Variants in EVL observed in about 807,000 individuals in gnomAD.
EVL encodes the protein Enah/Vasp-like.
A neutral mutation model predicts 59.6 loss-of-function variants in EVL; 21 were observed. That is an observed-to-expected ratio of 0.35 (90% confidence interval 0.25 to 0.51). EVL has a LOEUF of 0.51. Ranked by LOEUF, EVL falls within the 20% of genes least tolerant of loss-of-function variation. The pLI, the probability that EVL is intolerant of heterozygous loss-of-function variation, is 0.97. For synonymous variants in EVL, 198 were observed against 203.5 expected (o/e 0.97, Z 0.23); for missense variants, 462 against 546.6 (o/e 0.85, Z 1.54).
chr14:100,093,294 A>G (rs926201455), intron 2 of EVL, among the ~76,000 whole-genome samples: 4 of 152,240 alleles, frequency 2.6e-5, no homozygotes, highest in African/African-American at 9.6e-5. Flanking sequence ...GTAGAAATAC[A>G]TCTTCACAGG....
intron 1 of EVL, among the ~76,000 whole-genome samples, chr14:100,047,074 A>G (rs1452683063): frequency 1.4e-5 from 2 of 139,834 alleles, no homozygotes; most frequent in Non-Finnish European, 3.0e-5. Context: ...TTCTAAACTC[A>G]GTTTTGCAGC....
intron 13 of EVL, 90 bp from the exon 14 acceptor site, chr14:100,143,611 G>T: frequency 6.7e-7 from 1 of 1,497,548 alleles, no homozygotes. Context: ...CACATACCAG[G>T]CAGGTCCACG....
At chr14:100,098,619 G>A (rs1383749604) in intron 3 of EVL, among the ~76,000 whole-genome samples, 1 of 152,236 alleles carries the variant, frequency 6.6e-6, no homozygotes, top group Non-Finnish European at 1.5e-5. Context: ...GACATTTGCA[G>A]TGGTAGCTTT....
intron 1 of EVL, among the ~76,000 whole-genome samples, chr14:100,042,899 G>C (rs950527601): frequency 1.3e-5 from 2 of 152,128 alleles, no homozygotes; most frequent in Non-Finnish European, 2.9e-5. Context: ...CCTTAGTCAA[G>C]TTTTCTGAGG....
chr14:99,999,276 G>T (rs1054552299), intron 1 of EVL, among the ~76,000 whole-genome samples: 9 of 152,188 alleles, frequency 5.9e-5, no homozygotes, highest in Admixed American at 3.3e-4. Context: ...GTGATTAAGA[G>T]TACAGATTCT....
At chr14:100,079,861 G>A (rs918397043) in intron 1 of EVL, among the ~76,000 whole-genome samples, 1 of 152,104 alleles carries the variant, frequency 6.6e-6, no homozygotes, top group African/African-American at 2.4e-5. Flanking sequence ...GATTGACTTC[G>A]GGCTGTCATC....
intron 1 of EVL, among the ~76,000 whole-genome samples, chr14:100,073,944 G>A (rs576405787): frequency 5.3e-5 from 8 of 151,872 alleles, no homozygotes; most frequent in African/African-American, 1.9e-4. Context: ...TGAGGGGAGC[G>A]GCAGGGGCCC....
intron 1 of EVL, among the ~76,000 whole-genome samples, chr14:100,079,322 C>T (rs566783538): frequency 8.8e-4 from 134 of 152,186 alleles, no homozygotes; most frequent in Non-Finnish European, 1.3e-3. Context: ...AATGTTCCCA[C>T]GGGCACACAA....
intron 2 of EVL, among the ~76,000 whole-genome samples, chr14:100,092,047 T>C (rs2062576280): frequency 6.6e-6 from 1 of 152,126 alleles, no homozygotes; most frequent in Non-Finnish European, 1.5e-5. Flanking sequence ...AAGACCAGCC[T>C]GGGCAACATA....
At chr14:100,105,730 A>C (rs1297921273) in intron 3 of EVL, among the ~76,000 whole-genome samples, 1 of 151,628 alleles carries the variant, frequency 6.6e-6, no homozygotes, top group African/African-American at 2.4e-5. Context: ...GTCCAAGGGG[A>C]CGATGGCTGT....
chr14:100,136,765 C>T (rs1643983216), intron 9 of EVL, among the ~76,000 whole-genome samples: 1 of 152,172 alleles, frequency 6.6e-6, no homozygotes, highest in South Asian at 2.1e-4. Flanking sequence ...GCATAGGTTC[C>T]TGGCTGATGA....
chr14:100,095,721 T>TTTG (rs59077179), intron 2 of EVL, among the ~76,000 whole-genome samples: 11,419 of 151,942 alleles, frequency 0.075, 451 homozygotes, highest in African/African-American at 0.11. Context: ...AATTACAGGT[T>TTTG]TTGTTGTTGT....
intron 1 of EVL, among the ~76,000 whole-genome samples, chr14:100,043,508 A>T (rs190494537): frequency 2.1e-4 from 32 of 150,902 alleles, no homozygotes; most frequent in Non-Finnish European, 3.2e-4. Context: ...CAAGTCCTGG[A>T]GCCCAAAGGC....
intron 1 of EVL, among the ~76,000 whole-genome samples, chr14:100,035,271 G>GTT (rs200771184): frequency 8.3e-5 from 12 of 145,214 alleles, no homozygotes; most frequent in East Asian, 5.9e-4. Context: ...TTTATTATGT[G>GTT]TTTTTTTTGG....
intron 1 of EVL, among the ~76,000 whole-genome samples, chr14:100,023,402 G>A (rs1274342428): frequency 7.0e-5 from 9 of 129,496 alleles, no homozygotes; most frequent in Non-Finnish European, 1.4e-4. Flanking sequence ...TTTTTGAGAT[G>A]GAGTTTCGCT....
intron 8 of EVL, 64 bp downstream of exon 8, chr14:100,132,843 T>A (rs1888523132): frequency 6.3e-7 from 1 of 1,579,858 alleles, no homozygotes; most frequent in Non-Finnish European, 8.7e-7. Flanking sequence ...CCAGGGAGGC[T>A]CTCTGGTCTC....
In EVL at chr14:100,114,644, C is replaced by T. The variant is rs1037875230; in HGVS notation, c.359-8895C>T. On this transcript the variant is annotated intron_variant, in intron 3 of 13. Transcript: ENST00000392920. The surrounding 1 kb of genome is among the most constrained non-coding windows in gnomAD (Gnocchi z 5.0). ...CCGGCCTGTGCCGCGGAGCCCTGCC[C>T]GTGATGGTCAGCAGGGAGTGGGCCT... The T allele has an allele frequency of 5.9e-5, 9 of 152,376 alleles. No individual in the cohort carries two copies. Among genetic ancestry groups the T allele is most frequent in the Admixed American group, 4.6e-4 (7 of 15,294 alleles). The allele number at this position is 152,376 out of a possible 1,614,324, so 9.4% of individuals were successfully genotyped here. A position where few individuals can be genotyped will look rare whatever the true frequency, so the allele number is the denominator to read the frequency against.
Position 100,127,185 on chromosome 14 carries a change from A to G in EVL, c.487+414A>G, listed in dbSNP as rs1342108605. 1.3e-5 allele frequency among the ~76,000 whole-genome samples: 2 copies of G among 152,190 alleles called. No individual in the cohort carries two copies. The highest frequency in any genetic ancestry group is 2.9e-5 in the Non-Finnish European group (2 of 68,032). ...AGTGACGTGCAGGTGCTGAAGGCCTACCTTGGGTCAGGAAGACTTCCCACA... is the reference window on the plus strand; with the variant it reads ...AGTGACGTGCAGGTGCTGAAGGCCTGCCTTGGGTCAGGAAGACTTCCCACA... On this transcript the variant is annotated intron_variant, in intron 5 of 13. Transcript: ENST00000392920. This position sits in a 1 kb window ranked among gnomAD's most constrained non-coding sequence, Gnocchi z 4.2.
At chr14:100,037,439 A>G (rs2061405210) in intron 1 of EVL, among the ~76,000 whole-genome samples, 2 of 152,060 alleles carry the variant, frequency 1.3e-5, no homozygotes, top group South Asian at 4.2e-4. Flanking sequence ...CTTCTCATAT[A>G]CTCTGAAAAT....
Sources: allele counts gnomAD v4.1 joint callset (sites outside exome capture counted in the v4.1 genomes callset), GRCh38; gene constraint gnomAD v4.1.1; non-coding constraint Gnocchi (gnomAD v3.1); transcripts MANE v1.5; gene names NCBI Gene and HGNC (gene_info 2026-07-23, HGNC 2026-07-21).